The following MMP26 variants were observed in gnomAD, a reference collection of about 807,000 sequenced individuals.
MMP26 encodes the protein matrix metallopeptidase 26.
Under a neutral mutation model 31.0 loss-of-function variants are expected in MMP26, and 33 were observed. That is an observed-to-expected ratio of 1.06 (90% CI 0.81 to 1.42). The LOEUF is 1.42. Ranked by LOEUF, MMP26 falls within the 40% of genes most tolerant of loss-of-function variation. The probability of loss-of-function intolerance (pLI) is 0.00; values close to 1 mark genes in which losing one functional copy is unlikely to be tolerated. For missense variants in MMP26, 347 were observed against 316.1 expected (o/e 1.10, Z -0.74); for synonymous variants, 122 against 114.9 (o/e 1.06, Z -0.40).
In MMP26 at chr11:4,704,863, A is replaced by G. The variant is rs1847754588; in HGVS notation, c.-399A>G. Reference sequence around the variant, plus strand: ...TCTTTGTCCAGGGGCAGGGCTGATCAGGGGCTGATTCCGCAGCTATAGTAG... The same window carrying G: ...TCTTTGTCCAGGGGCAGGGCTGATCGGGGGCTGATTCCGCAGCTATAGTAG... On this transcript the variant is annotated 5_prime_UTR_variant, in exon 1 of 8. Transcript: ENST00000380390. 1 of 152,182 alleles carries G rather than the reference A, an allele frequency of 6.6e-6. No homozygotes were observed. The highest frequency in any genetic ancestry group is 1.5e-5 in the Non-Finnish European group (1 of 68,044). 9.4% of individuals were successfully genotyped at this position (152,182 alleles called of 1,614,324 possible).
intron 2 of MMP26, among the ~76,000 whole-genome samples, chr11:4,841,519 A>G (rs1314956992): frequency 2.0e-5 from 3 of 152,352 alleles, no homozygotes; most frequent in South Asian, 4.1e-4. Context: ...CTCTCAAGGA[A>G]GAGTTCTTTT....
chr11:4,958,254 A>C (rs1838230769), intron 2 of MMP26, among the ~76,000 whole-genome samples: 1 of 152,168 alleles, frequency 6.6e-6, no homozygotes, highest in South Asian at 2.1e-4. Context: ...AATTTGGAAA[A>C]GTGACAATTT....
chr11:4,758,362 C>T (rs1385986284), intron 1 of MMP26, among the ~76,000 whole-genome samples: 1 of 147,664 alleles, frequency 6.8e-6, no homozygotes, highest in Non-Finnish European at 1.5e-5. Flanking sequence ...CAGGAAGAGG[C>T]ACAAGTGAAC....
At chr11:4,746,878 A>ACAC (rs1848389339) in intron 1 of MMP26, among the ~76,000 whole-genome samples, 6 of 127,188 alleles carry the variant, frequency 4.7e-5, no homozygotes, top group East Asian at 2.4e-4. Context: ...CACACACACA[A>ACAC]AGGCTATACA....
At chr11:4,710,090 T>C (rs555295928) in intron 1 of MMP26, 2 of 456,830 alleles carry the variant, frequency 4.4e-6, no homozygotes, top group Non-Finnish European at 8.8e-6. Flanking sequence ...GCCGTAGTCA[T>C]GTGCTCCACC....
chr11:4,873,474 G>A (rs1385596085), intron 2 of MMP26, among the ~76,000 whole-genome samples: 1 of 152,084 alleles, frequency 6.6e-6, no homozygotes, highest in Admixed American at 6.6e-5. Context: ...CCCTGCAACA[G>A]CCACTACTGG....
chr11:4,809,740 C>G (rs1257454426), intron 2 of MMP26, among the ~76,000 whole-genome samples: 2 of 152,194 alleles, frequency 1.3e-5, no homozygotes, highest in Non-Finnish European at 2.9e-5. Context: ...AGCACTGAGT[C>G]TTCTCCCATT....
At chr11:4,765,062 G>T (rs1467620474) in intron 1 of MMP26, among the ~76,000 whole-genome samples, 1 of 152,110 alleles carries the variant, frequency 6.6e-6, no homozygotes, top group Non-Finnish European at 1.5e-5. Flanking sequence ...GCTTCTCCTT[G>T]TAACTCCTTC....
chr11:4,900,122 T>A (rs947253733), intron 2 of MMP26, among the ~76,000 whole-genome samples: 1 of 152,166 alleles, frequency 6.6e-6, no homozygotes, highest in African/African-American at 2.4e-5. Context: ...TGTACCAGAT[T>A]GGAAGCTTTT....
chr11:4,792,333 G>A (rs1249485876), intron 2 of MMP26, among the ~76,000 whole-genome samples: 1 of 152,116 alleles, frequency 6.6e-6, no homozygotes, highest in South Asian at 2.1e-4. Flanking sequence ...TAAAAAGGAA[G>A]AGTTTTTAAC....
At position 4,882,627 on chromosome 11, in the gene MMP26, G is replaced by C. The variant is rs533277463; in HGVS notation, c.-144-105441G>C. Reference sequence around the variant, plus strand: ...AAGCAACAAAAAGCTCTCAGCACTTGTGTCTGTCACATCTGTGCAGTCACT... The same window carrying C: ...AAGCAACAAAAAGCTCTCAGCACTTCTGTCTGTCACATCTGTGCAGTCACT... On this transcript the variant is annotated intron_variant, in intron 2 of 7. Transcript: ENST00000380390. The C allele has an allele frequency of 3.1e-6, 5 of 1,613,946 alleles. No individual in the cohort carries two copies. The African/African-American group carries it at 6.7e-5, about 22-fold the overall frequency.
intron 2 of MMP26, among the ~76,000 whole-genome samples, chr11:4,789,530 CTTTT>C (rs71050429): frequency 1.8e-4 from 12 of 65,966 alleles, no homozygotes; most frequent in South Asian, 9.5e-4. Context: ...TATCCCCCCA[CTTTT>C]TTTTTTTTTT....
At chr11:4,755,444 G>A (rs956635269) in intron 1 of MMP26, among the ~76,000 whole-genome samples, 3 of 152,108 alleles carry the variant, frequency 2.0e-5, no homozygotes, top group East Asian at 3.9e-4. Flanking sequence ...AGTTGGGAAC[G>A]AGCCATTTAT....
chr11:4,801,865 G>A (rs950212233), intron 2 of MMP26, among the ~76,000 whole-genome samples: 2 of 151,642 alleles, frequency 1.3e-5, no homozygotes, highest in Admixed American at 6.6e-5. Flanking sequence ...ACCGGATCTC[G>A]CATGATCTAA....
intron 2 of MMP26, chr11:4,859,907 A>G (rs1243670569): frequency 2.1e-6 from 1 of 471,030 alleles, no homozygotes; most frequent in Non-Finnish European, 4.4e-6. Context: ...GTGAGTACAT[A>G]AGACAGTAGA....
At chr11:4,881,166 C>T (rs937489443) in intron 2 of MMP26, among the ~76,000 whole-genome samples, 2 of 152,152 alleles carry the variant, frequency 1.3e-5, no homozygotes, top group African/African-American at 4.8e-5. Context: ...TGTATGACCT[C>T]ACAGAGAGAA....
chr11:4,868,300 A>G (rs1183113226), intron 2 of MMP26, among the ~76,000 whole-genome samples: 1 of 152,170 alleles, frequency 6.6e-6, no homozygotes, highest in Non-Finnish European at 1.5e-5. Context: ...AGATGACATG[A>G]TTGTACCTTT....
chr11:4,915,234 T>C (rs1179251809), intron 2 of MMP26: 5 of 1,613,614 alleles, frequency 3.1e-6, no homozygotes, highest in Non-Finnish European at 4.2e-6. Flanking sequence ...CCAATGACTG[T>C]GTTGGTGAGA....
chr11:4,710,260 C>T (rs1000437563), intron 1 of MMP26: 3 of 456,632 alleles, frequency 6.6e-6, no homozygotes, highest in African/African-American at 6.0e-5. Flanking sequence ...CTCTGCATTG[C>T]CTCCCCAGAG....
Sources: gnomAD v4.1 joint callset for allele counts (sites outside exome capture counted in the v4.1 genomes callset) on GRCh38, gnomAD v4.1.1 for gene constraint, MANE v1.5 for transcripts, NCBI Gene and HGNC (gene_info 2026-07-23, HGNC 2026-07-21) for gene names.